TCEA1: variants seen among roughly 807,000 people sequenced by gnomAD.
TCEA1 encodes transcription elongation factor A protein 1.
TCEA1 carries 21 observed loss-of-function variants against 43.8 expected under a neutral mutation model. The ratio of observed to expected loss-of-function variants is 0.48; its 90% CI spans 0.34 to 0.69. The LOEUF is 0.69. TCEA1 is among the 30% of genes least tolerant of loss of function. TCEA1 has a pLI of 0.01. For synonymous variants in TCEA1, 104 were observed against 117.5 expected (o/e 0.88, Z 0.75); for missense variants, 250 against 365.1 (o/e 0.68, Z 2.57).
At chr8:53,992,449 C>A (rs1282059924) in intron 4 of TCEA1, among the ~76,000 whole-genome samples, 1 of 151,364 alleles carries the variant, frequency 6.6e-6, no homozygotes, top group Non-Finnish European at 1.5e-5. Context: ...CCCATCTCTA[C>A]TAAAAACACA....
chr8:53,973,134 G>A, intron 8 of TCEA1: 1 of 600,090 alleles, frequency 1.7e-6, no homozygotes, highest in Non-Finnish European at 3.2e-6. Flanking sequence ...AGGTGATGAT[G>A]AAGTCAATGT....
At chr8:54,016,339 T>TAC (rs1804825756) in intron 1 of TCEA1, among the ~76,000 whole-genome samples, 1 of 152,132 alleles carries the variant, frequency 6.6e-6, no homozygotes, top group South Asian at 2.1e-4. Flanking sequence ...GGCATGGTGC[T>TAC]GGGTGCCTGT....
intron 8 of TCEA1, chr8:53,971,256 C>T (rs75463636): frequency 0.019 from 2,817 of 152,206 alleles, 43 homozygotes; most frequent in Non-Finnish European, 0.024. Context: ...TAATCAGTGA[C>T]CAACAGTTTA....
chr8:54,002,969 C>CTT, intron 2 of TCEA1: 1 of 456,234 alleles, frequency 2.2e-6, no homozygotes. Flanking sequence ...GGAATGAGTA[C>CTT]TGAGATCAAG....
intron 1 of TCEA1, among the ~76,000 whole-genome samples, chr8:54,017,317 C>G (rs1335130012): frequency 6.6e-6 from 1 of 152,150 alleles, no homozygotes. Flanking sequence ...CACAGATTCA[C>G]CTGAGAATTT....
intron 7 of TCEA1, among the ~76,000 whole-genome samples, chr8:53,983,697 T>C (rs1301066582): frequency 6.6e-6 from 1 of 151,972 alleles, no homozygotes; most frequent in Non-Finnish European, 1.5e-5. Flanking sequence ...ATCAATATGA[T>C]GTGACCAATT....
intron 2 of TCEA1, among the ~76,000 whole-genome samples, chr8:54,009,501 T>C (rs1042780167): frequency 5.9e-5 from 9 of 152,128 alleles, no homozygotes; most frequent in Non-Finnish European, 1.2e-4. Flanking sequence ...TAAAAAAGAA[T>C]GAAATCATGT....
intron 1 of TCEA1, among the ~76,000 whole-genome samples, chr8:54,019,756 A>G (rs1804964100): frequency 6.6e-6 from 1 of 152,150 alleles, no homozygotes; most frequent in South Asian, 2.1e-4. Context: ...TGGGGAAAAG[A>G]GGAGTGTCAT....
In TCEA1 at chr8:53,989,983, C is replaced by T. The variant is rs144218498; in HGVS notation, c.321-1724G>A. Among the ~76,000 whole-genome samples, 15 of 152,178 alleles carry T rather than the reference C, an allele frequency of 9.9e-5. No homozygotes were observed. The East Asian group carries it at 2.9e-3, about 29-fold the overall frequency. The stretch of plus-strand genomic sequence containing the variant: ...GGGCAAGCTGGCTCATGCCTGTAAT[C>T]CCAGGAGTTCAAGAACAGCCCGGAC... On this transcript the variant is annotated intron_variant, in intron 4 of 9. Coordinates refer to ENST00000521604, the MANE Select transcript of TCEA1 (RefSeq NM_006756.4).
chr8:53,988,577 T>C (rs1009321518), intron 4 of TCEA1, among the ~76,000 whole-genome samples: 3 of 152,144 alleles, frequency 2.0e-5, no homozygotes, highest in Non-Finnish European at 2.9e-5. Context: ...AAAGCAATGA[T>C]CTTGGTATAA....
intron 2 of TCEA1, among the ~76,000 whole-genome samples, chr8:54,006,497 C>T (rs1586028984): frequency 1.3e-5 from 2 of 151,942 alleles, no homozygotes; most frequent in South Asian, 2.1e-4. Flanking sequence ...AAAAAAACCT[C>T]GAATGTTTGT....
chr8:53,975,009 A>C (rs1423436384), intron 8 of TCEA1, among the ~76,000 whole-genome samples: 3 of 152,142 alleles, frequency 2.0e-5, no homozygotes, highest in Non-Finnish European at 4.4e-5. Context: ...TAGCCATAAA[A>C]GATGGAAGAA....
intron 1 of TCEA1, among the ~76,000 whole-genome samples, chr8:54,017,975 G>A (rs1586043286): frequency 6.6e-6 from 1 of 152,144 alleles, no homozygotes; most frequent in Admixed American, 6.5e-5. Context: ...GGGATAGTGT[G>A]AGCACCACAA....
At chr8:53,977,104 GGTCAGGAGATC>G (rs1803356140) in intron 8 of TCEA1, among the ~76,000 whole-genome samples, 1 of 152,160 alleles carries the variant, frequency 6.6e-6, no homozygotes, top group Admixed American at 6.5e-5. Flanking sequence ...CAGATCACGA[GGTCAGGAGATC>G]GAGACCACCC....
intron 7 of TCEA1, among the ~76,000 whole-genome samples, chr8:53,984,101 G>A (rs1411667847): frequency 2.6e-5 from 4 of 151,752 alleles, no homozygotes; most frequent in Non-Finnish European, 4.4e-5. Flanking sequence ...ACTCTGTCTC[G>A]AAAGAAAAAA....
At chr8:53,996,952 T>C (rs1458580532) in intron 3 of TCEA1, among the ~76,000 whole-genome samples, 1 of 144,736 alleles carries the variant, frequency 6.9e-6, no homozygotes, top group Non-Finnish European at 1.5e-5. Flanking sequence ...CAGGCTGGAG[T>C]TCAGTGGCGC....
chr8:53,988,824 T>C (rs2082203275), intron 4 of TCEA1, among the ~76,000 whole-genome samples: 3 of 152,276 alleles, frequency 2.0e-5, no homozygotes, highest in South Asian at 4.1e-4. Flanking sequence ...CCCAGCACTT[T>C]GGGAGGCCAA....
At chr8:54,000,086 T>C in intron 2 of TCEA1, 36 bp from the exon 3 acceptor site, 1 of 1,204,796 alleles carries the variant, frequency 8.3e-7, no homozygotes, top group South Asian at 1.6e-5. Context: ...TGTATACCAA[T>C]TTTATTTTAA....
At chr8:53,986,812 A>G (rs1803703914) in intron 6 of TCEA1, 157 bp downstream of exon 6, 2 of 613,732 alleles carry the variant, frequency 3.3e-6, no homozygotes, top group South Asian at 4.3e-5. Context: ...ACAATGACCA[A>G]TCCTCTTCTG....
Sources: gnomAD v4.1 joint callset for allele counts (sites outside exome capture counted in the v4.1 genomes callset) on GRCh38, gnomAD v4.1.1 for gene constraint, MANE v1.5 for transcripts, NCBI Gene and HGNC (gene_info 2026-07-23, HGNC 2026-07-21) for gene names.